The following SP4 variants were observed in gnomAD, a reference collection of about 807,000 sequenced individuals.
SP4 encodes transcription factor Sp4.
In SP4, 19 loss-of-function variants were observed where a neutral mutation model predicts 72.8. That is an observed-to-expected ratio of 0.26 (90% CI 0.18 to 0.38). SP4 has a LOEUF of 0.38. Ranked by LOEUF, SP4 falls within the 10% of genes least tolerant of loss-of-function variation. The probability of loss-of-function intolerance (pLI) is 1.00; values close to 1 mark genes in which losing one functional copy is unlikely to be tolerated. For missense variants in SP4, 1,008 were observed against 926.3 expected (o/e 1.09, Z -1.14); for synonymous variants, 395 against 333.1 (o/e 1.19, Z -2.02).
In SP4 at chr7:21,430,777, G is replaced by T. The variant is rs145286007; in HGVS notation, c.1612G>T (p.Val538Phe). 2 of 1,614,194 alleles carry T rather than the reference G, an allele frequency of 1.2e-6. No individual in the cohort carries two copies. Among genetic ancestry groups the T allele is most frequent in the Non-Finnish European group, 1.7e-6 (2 of 1,180,018 alleles). ...ASVPNLQTVS[V>F]ANLGAAGVQV... is the part of the protein sequence containing the mutation. ...AGTGCCTAACCTTCAGACAGTGAGC[G>T]TTGCCAACCTGGGTGCTGCAGGTGT... The change falls in exon 3 of 6, where the codon GTT becomes TTT. Residue 538 changes from valine (V) to phenylalanine (F), a missense_variant. This residue lies in a region of SP4 where 893 missense variants were observed against 743.3 expected (regional missense o/e 1.20). Transcript: ENST00000222584.
At chr7:21,502,682 T>C (rs1435216946) in intron 5 of SP4, among the ~76,000 whole-genome samples, 6 of 152,208 alleles carry the variant, frequency 3.9e-5, no homozygotes, top group Non-Finnish European at 8.8e-5. Flanking sequence ...TTTTAAGGTT[T>C]GCTTTACATC....
chr7:21,466,793 T>A (rs1389060829), intron 3 of SP4, among the ~76,000 whole-genome samples: 2 of 152,102 alleles, frequency 1.3e-5, no homozygotes, highest in African/African-American at 2.4e-5. Context: ...TCTAGGATTT[T>A]TTTTTTTTTT....
At chr7:21,453,056 G>T (rs1356578371) in intron 3 of SP4, among the ~76,000 whole-genome samples, 2 of 152,170 alleles carry the variant, frequency 1.3e-5, no homozygotes, top group East Asian at 1.9e-4. Flanking sequence ...GGGATTACAG[G>T]TGTGAGCCAC....
At chr7:21,451,312 G>A (rs770842725) in intron 3 of SP4, among the ~76,000 whole-genome samples, 19 of 152,192 alleles carry the variant, frequency 1.2e-4, no homozygotes, top group Non-Finnish European at 2.4e-4. Flanking sequence ...GCCTTTCCCT[G>A]TTGCTGGCTG....
At position 21,429,850 on chromosome 7, in the gene SP4, G is replaced by T; in HGVS notation, c.685G>T (p.Val229Phe). 1 of 1,614,232 alleles carries T rather than the reference G, an allele frequency of 6.2e-7. No homozygotes were observed. The highest frequency in any genetic ancestry group is 8.5e-7 in the Non-Finnish European group (1 of 1,180,038). ...ILAQNLANQTVPVQIRPGVSI... is the reference protein window; with the variant it reads ...ILAQNLANQTFPVQIRPGVSI... ...TGCTCAAAACCTGGCAAATCAGACA[G>T]TTCCGGTCCAAATTAGACCTGGTGT... Residue 229 changes from valine to phenylalanine, a missense_variant, in exon 3 of 6, where the codon GTT becomes TTT. This residue lies in a region of SP4 where 893 missense variants were observed against 743.3 expected (regional missense o/e 1.20). Transcript: ENST00000222584.
chr7:21,477,446 G>T, intron 4 of SP4, 139 bp downstream of exon 4: 1 of 632,432 alleles, frequency 1.6e-6, no homozygotes, highest in Non-Finnish European at 2.8e-6. Context: ...ATTAGAAAGG[G>T]AATTAAGTTG....
At chr7:21,431,430 T>C (rs1782850983) in intron 3 of SP4, among the ~76,000 whole-genome samples, 2 of 152,350 alleles carry the variant, frequency 1.3e-5, no homozygotes, top group South Asian at 4.1e-4. Context: ...TATGCCTACT[T>C]TTATGCTACT....
intron 5 of SP4, among the ~76,000 whole-genome samples, chr7:21,487,386 T>G (rs1784847096): frequency 6.7e-6 from 1 of 149,726 alleles, no homozygotes; most frequent in South Asian, 2.1e-4. Context: ...GGGCTCTTAG[T>G]AGACATATTT....
chr7:21,498,860 C>A (rs1028620542), intron 5 of SP4, among the ~76,000 whole-genome samples: 2 of 151,846 alleles, frequency 1.3e-5, no homozygotes, highest in African/African-American at 4.8e-5. Context: ...CCGAGGCAGG[C>A]GGATCATGAG....
chr7:21,482,256 A>G (rs1289062440), intron 5 of SP4, 133 bp downstream of exon 5: 2 of 651,332 alleles, frequency 3.1e-6, no homozygotes, highest in Non-Finnish European at 5.3e-6. Context: ...AATTATATGG[A>G]AGATGTTTAA....
At chr7:21,491,775 A>G (rs1210637553) in intron 5 of SP4, among the ~76,000 whole-genome samples, 1 of 152,198 alleles carries the variant, frequency 6.6e-6, no homozygotes, top group Non-Finnish European at 1.5e-5. Flanking sequence ...GTCCAAGGAA[A>G]ATATCCTCAA....
At chr7:21,474,379 A>G (rs981392136) in intron 3 of SP4, among the ~76,000 whole-genome samples, 5 of 152,244 alleles carry the variant, frequency 3.3e-5, no homozygotes, top group African/African-American at 9.6e-5. Context: ...CTGCAGCTCC[A>G]TAGGGACCAT....
chr7:21,477,483 G>A (rs544258795), intron 4 of SP4, among the ~76,000 whole-genome samples, 176 bp downstream of exon 4: 16 of 152,296 alleles, frequency 1.1e-4, no homozygotes, highest in South Asian at 1.0e-3. Context: ...AAATTTGAGC[G>A]GTCCTCCGCC....
chr7:21,483,521 G>A (rs561574016), intron 5 of SP4, among the ~76,000 whole-genome samples: 66 of 151,620 alleles, frequency 4.4e-4, no homozygotes, highest in South Asian at 1.7e-3. Flanking sequence ...TCTTTTATTC[G>A]CTCAAGATTC....
chr7:21,439,695 G>A lies in SP4; in HGVS notation c.1678+8852G>A, dbSNP rs1482388288. Among the ~76,000 whole-genome samples, 8 of 152,184 alleles carry A rather than the reference G, an allele frequency of 5.3e-5. No homozygotes were observed. The East Asian group carries it at 1.5e-3, about 29-fold the overall frequency. ...ACGTGAGCCCAGGAGCTTGAGACCAGCCTGGGCAACATAGTGAGACTGTAC... is the reference window on the plus strand; with the variant it reads ...ACGTGAGCCCAGGAGCTTGAGACCAACCTGGGCAACATAGTGAGACTGTAC... On this transcript the variant is annotated intron_variant, in intron 3 of 5. Transcript: ENST00000222584.
chr7:21,479,113 T>C (rs1431131963), intron 4 of SP4, among the ~76,000 whole-genome samples: 1 of 151,898 alleles, frequency 6.6e-6, no homozygotes, highest in Non-Finnish European at 1.5e-5. Context: ...TCTCCCATTG[T>C]GTGAATTGTC....
rs766973179 is a variant in SP4, at chr7:21,476,937, T to A, written c.1679-142T>A. 1.9e-4 allele frequency: 119 copies of A among 624,212 alleles called. 1 individual carries two copies. Among genetic ancestry groups the A allele is most frequent in the Admixed American group, 5.9e-5 (2 of 33,916 alleles). 38.7% of individuals were successfully genotyped at this position (624,212 alleles called of 1,614,324 possible). On this transcript the variant is annotated intron_variant, in intron 3 of 5. Coordinates refer to ENST00000222584, the MANE Select transcript of SP4 (RefSeq NM_003112.5). ...ATACTATATTTTAGAAGGATTGACA[T>A]AGTATAAGCCATTAACCCCTTAGTT...
chr7:21,428,153 C>A lies in SP4; in HGVS notation c.-99C>A, dbSNP rs958051506. 3.1e-5 allele frequency: 23 copies of A among 748,972 alleles called. No individual in the cohort carries two copies. The highest frequency in any genetic ancestry group is 2.5e-4 in the Middle Eastern group (1 of 3,934). The allele number at this position is 748,972 out of a possible 1,614,324, so 46.4% of individuals were successfully genotyped here. Reference sequence around the variant, plus strand: ...CCAGCTACAGCCTCCTCCGAGCCACCGCGGGCGGGCGGGACCGGCCTCTCC... The same window carrying A: ...CCAGCTACAGCCTCCTCCGAGCCACAGCGGGCGGGCGGGACCGGCCTCTCC... On this transcript the variant is annotated 5_prime_UTR_variant, in exon 1 of 6. Transcript: ENST00000222584.
intron 5 of SP4, among the ~76,000 whole-genome samples, chr7:21,509,094 G>A (rs1345534188): frequency 1.3e-5 from 2 of 151,596 alleles, no homozygotes; most frequent in African/African-American, 2.4e-5. Context: ...TTATATGTTG[G>A]CTTCGTCAGA....
Sources: gnomAD v4.1 joint callset for allele counts (sites outside exome capture counted in the v4.1 genomes callset) on GRCh38, gnomAD v4.1.1 for gene constraint, gnomAD v4.1.1 regional missense constraint, MANE v1.5 for transcripts, NCBI Gene and HGNC (gene_info 2026-07-23, HGNC 2026-07-21) for gene names.